CDKL1: variants seen among roughly 807,000 people sequenced by gnomAD.
CDKL1 encodes the protein cyclin-dependent kinase-like 1.
CDKL1 carries 41 observed loss-of-function variants against 42.0 expected under a neutral mutation model. That is an observed-to-expected ratio of 0.98 (90% CI 0.76 to 1.27). The LOEUF is 1.27. CDKL1 is among the 50% of genes most tolerant of loss of function. The pLI, the probability that CDKL1 is intolerant of heterozygous loss-of-function variation, is 0.00. For synonymous variants in CDKL1, 153 were observed against 158.6 expected (o/e 0.96, Z 0.26); for missense variants, 394 against 428.4 (o/e 0.92, Z 0.71).
chr14:50,359,283 TC>T, intron 2 of CDKL1, 134 bp from the exon 3 acceptor site: 1 of 964,290 alleles, frequency 1.0e-6, no homozygotes, highest in Non-Finnish European at 1.5e-6. Flanking sequence ...GTAAACAGTA[TC>T]ATCTTACCCC....
chr14:50,387,097 T>G (rs953092712), intron 2 of CDKL1, among the ~76,000 whole-genome samples: 1 of 151,224 alleles, frequency 6.6e-6, no homozygotes, highest in African/African-American at 2.4e-5. Flanking sequence ...GTCCCAGCTA[T>G]TCAGGAGGCT....
At chr14:50,335,861 A>G (rs2033241256) in intron 7 of CDKL1, 1 of 1,274,590 alleles carries the variant, frequency 7.8e-7, no homozygotes, top group Admixed American at 3.1e-5. Context: ...TACACATACT[A>G]ATCATTGATA....
chr14:50,362,387 A>G (rs1042641886), intron 2 of CDKL1: 5 of 264,990 alleles, frequency 1.9e-5, no homozygotes, highest in Non-Finnish European at 3.8e-5. Flanking sequence ...GAGAACCTTT[A>G]TGTCTAGCTA....
At chr14:50,374,486 C>T (rs932117641) in intron 2 of CDKL1, among the ~76,000 whole-genome samples, 2 of 152,182 alleles carry the variant, frequency 1.3e-5, no homozygotes, top group African/African-American at 4.8e-5. Flanking sequence ...CAAAAAGAAT[C>T]TAACTATATT....
chr14:50,326,420 G>T lies in CDKL1; in HGVS notation c.*3654C>A. ...GTTAGTGAAGCATACTACCATAAATGCACAATTATGAAAAATTAGAAGCTA... is the reference window on the plus strand; with the variant it reads ...GTTAGTGAAGCATACTACCATAAATTCACAATTATGAAAAATTAGAAGCTA... On this transcript the variant is annotated 3_prime_UTR_variant, in exon 10 of 10. Coordinates refer to ENST00000395834, the MANE Select transcript of CDKL1 (RefSeq NM_004196.7). The T allele has an allele frequency of 1.0e-6, 1 of 974,068 alleles. No homozygotes were observed. The highest frequency in any genetic ancestry group is 1.2e-6 in the Non-Finnish European group (1 of 819,750). 60.3% of individuals were successfully genotyped at this position (974,068 alleles called of 1,614,324 possible). A position where few individuals can be genotyped will look rare whatever the true frequency, so the allele number is the denominator to read the frequency against.
At chr14:50,342,983 C>G in intron 4 of CDKL1, 1 of 1,354,958 alleles carries the variant, frequency 7.4e-7, no homozygotes. Context: ...CCTCGAGATG[C>G]GGCCCCCCCT....
intron 2 of CDKL1, among the ~76,000 whole-genome samples, chr14:50,383,979 T>C (rs2034999388): frequency 6.6e-6 from 1 of 152,214 alleles, no homozygotes; most frequent in Non-Finnish European, 1.5e-5. Flanking sequence ...AATCTTCTAA[T>C]AAACAAACAA....
Position 50,352,805 on chromosome 14 carries a change from G to A in CDKL1, c.290+6223C>T, listed in dbSNP as rs139260623. On this transcript the variant is annotated intron_variant, in intron 3 of 9. Transcript: ENST00000395834. ...CAGTATCCATTTCAAAGGGGCAAGTGAACATTAAACAAATTAACTAGCCTG... is the reference window on the plus strand; with the variant it reads ...CAGTATCCATTTCAAAGGGGCAAGTAAACATTAAACAAATTAACTAGCCTG... Among the ~76,000 whole-genome samples, 856 of 152,226 alleles carry A rather than the reference G, an allele frequency of 5.6e-3. 6 individuals are homozygous for A. Among genetic ancestry groups the A allele is most frequent in the African/African-American group, 0.019 (795 of 41,514 alleles).
intron 2 of CDKL1, among the ~76,000 whole-genome samples, chr14:50,361,015 AAT>A (rs1229495897): frequency 6.6e-6 from 1 of 152,162 alleles, no homozygotes; most frequent in African/African-American, 2.4e-5. Context: ...TGAATGTACA[AAT>A]ATGTTTTTGA....
chr14:50,395,704 G>C lies in CDKL1; in HGVS notation c.165C>G (p.Leu55=), dbSNP rs762617115. ...AAAGGAAAAGTGAATCAATTACCTT[G>C]AGCATTCGGATTTCCCGAAGGGCAA... The part of the protein sequence containing the change: ...KKIALREIRM[L]KQLKHPNLVN... The change falls in exon 2 of 10, where the codon CTC becomes CTG. Residue 55 remains leucine, a synonymous_variant. Transcript: ENST00000395834. The C allele has an allele frequency of 6.2e-7, 1 of 1,602,666 alleles. No homozygotes were observed. Among genetic ancestry groups the C allele is most frequent in the South Asian group, 1.1e-5 (1 of 90,592 alleles).
chr14:50,390,704 C>G (rs2035232005), intron 2 of CDKL1, among the ~76,000 whole-genome samples: 1 of 152,222 alleles, frequency 6.6e-6, no homozygotes, highest in Admixed American at 6.5e-5. Context: ...TTTCCTTGCC[C>G]CTTGCCGGAC....
At chr14:50,342,700 G>A (rs771160060) in intron 4 of CDKL1, 48 of 310,970 alleles carry the variant, frequency 1.5e-4, no homozygotes, top group Middle Eastern at 1.2e-3. Flanking sequence ...GGTTGCAGGA[G>A]CTGCAAATTG....
intron 2 of CDKL1, among the ~76,000 whole-genome samples, chr14:50,370,186 A>G (rs186465427): frequency 3.3e-4 from 50 of 151,814 alleles, no homozygotes; most frequent in African/African-American, 1.2e-3. Context: ...TTCCTGCCTC[A>G]GCCTCCCAAG....
intron 2 of CDKL1, 59 bp from the exon 3 acceptor site, chr14:50,359,208 T>A: frequency 6.4e-7 from 1 of 1,550,506 alleles, no homozygotes; most frequent in Non-Finnish European, 8.7e-7. Context: ...CTTTCTCTAA[T>A]CTTGATCCAA....
At chr14:50,334,415 C>T (rs969683025) in intron 8 of CDKL1, 150 bp downstream of exon 8, 41 of 634,052 alleles carry the variant, frequency 6.5e-5, no homozygotes, top group Middle Eastern at 2.6e-4. Context: ...TCCCAAAGTG[C>T]TAGGATTACA....
At position 50,396,695 on chromosome 14, in the gene CDKL1, C is replaced by T. The variant is rs549471771; in HGVS notation, c.-462+129G>A. 5.4e-3 allele frequency: 849 copies of T among 158,050 alleles called. 4 individuals carry two copies. Among genetic ancestry groups the T allele is most frequent in the Non-Finnish European group, 8.3e-3 (609 of 73,308 alleles). The allele number at this position is 158,050 out of a possible 1,614,324, so 9.8% of individuals were successfully genotyped here. A position where few individuals can be genotyped will look rare whatever the true frequency, so the allele number is the denominator to read the frequency against. ...GCAGGAGACCAACCCGCGCCCCGCG[C>T]CCCACGCCCCCGGGACTGGGAAAAC... On this transcript the variant is annotated intron_variant, in intron 1 of 9. Coordinates refer to ENST00000395834, the MANE Select transcript of CDKL1 (RefSeq NM_004196.7).
At chr14:50,366,974 T>A (rs969174984) in intron 2 of CDKL1, among the ~76,000 whole-genome samples, 1 of 152,010 alleles carries the variant, frequency 6.6e-6, no homozygotes, top group Non-Finnish European at 1.5e-5. Flanking sequence ...GAGCTGAAGA[T>A]AAAAGCCAGG....
intron 3 of CDKL1, among the ~76,000 whole-genome samples, chr14:50,351,693 C>A (rs2033907232): frequency 6.6e-6 from 1 of 150,700 alleles, no homozygotes; most frequent in Non-Finnish European, 1.5e-5. Context: ...TATGATTGGG[C>A]CACTGCACTC....
Position 50,395,701 on chromosome 14 carries a change from C to A in CDKL1, c.168G>T (p.Lys56Asn). 1 of 1,602,344 alleles carries A rather than the reference C, an allele frequency of 6.2e-7. No individual in the cohort carries two copies. Among genetic ancestry groups the A allele is most frequent in the Non-Finnish European group, 8.5e-7 (1 of 1,170,522 alleles). ...KIALREIRML[K>N]QLKHPNLVNL... ...AAAAAAGGAAAAGTGAATCAATTAC[C>A]TTGAGCATTCGGATTTCCCGAAGGG... Residue 56 changes from lysine to asparagine, a missense_variant and splice_region_variant, in exon 2 of 10, where the codon AAG (lysine) becomes AAT (asparagine). Coordinates refer to ENST00000395834, the MANE Select transcript of CDKL1 (RefSeq NM_004196.7).
Sources: gnomAD v4.1 joint callset for allele counts (sites outside exome capture counted in the v4.1 genomes callset) on GRCh38, gnomAD v4.1.1 for gene constraint, MANE v1.5 for transcripts, NCBI Gene and HGNC (gene_info 2026-07-23, HGNC 2026-07-21) for gene names.